HDAC4: variants seen among roughly 807,000 people sequenced by gnomAD.
HDAC4 encodes the protein histone deacetylase A.
A neutral mutation model predicts 135.1 loss-of-function variants in HDAC4; 16 were observed. The ratio of observed to expected loss-of-function variants is 0.12; its 90% confidence interval spans 0.08 to 0.18. The LOEUF (loss-of-function observed/expected upper bound fraction) is 0.18, where lower values mean the gene tolerates loss of function less well. Among genes scored for constraint, HDAC4 ranks in the 10% least tolerant of loss-of-function variants. HDAC4 has a pLI of 1.00. For missense variants in HDAC4, 1,143 were observed against 1,511.8 expected, an observed-to-expected ratio of 0.76 and a Z score of 4.05; for synonymous variants, 685 against 653.4, an observed-to-expected ratio of 1.05 and a Z score of -0.74.
At chr2:239,162,656 G>T (rs569787968) in intron 6 of HDAC4, among the ~76,000 whole-genome samples, 2 of 152,112 alleles carry the variant, frequency 1.3e-5, no homozygotes, top group Non-Finnish European at 2.9e-5. Context: ...ACTCCTCCTT[G>T]CAAGTTTGTG....
At position 239,285,142 on chromosome 2, in the gene HDAC4, A is replaced by C. The variant is rs539657945; in HGVS notation, c.23-48478T>G. Among the ~76,000 whole-genome samples the C allele has an allele frequency of 6.6e-6, 1 of 152,304 alleles. No homozygotes were observed. Among genetic ancestry groups the C allele is most frequent in the East Asian group, 1.9e-4 (1 of 5,170 alleles). ...ACCTGGAAGGCCAGGTTCAAAGTTC[A>C]AAGTTCAAAGACTGCAGATGGTACA... On this transcript the variant is annotated intron_variant, in intron 2 of 26. Coordinates refer to ENST00000543185, the MANE Select transcript of HDAC4 (RefSeq NM_001378414.1). The surrounding 1 kb of genome is among the most constrained non-coding windows in gnomAD (Gnocchi z 4.5).
chr2:239,362,454 A>C lies in HDAC4; in HGVS notation c.-219-9536T>G, dbSNP rs144366170. 7.7e-4 allele frequency among the ~76,000 whole-genome samples: 118 copies of C among 152,354 alleles called. No homozygotes were observed. The East Asian group carries it at 0.019, about 24-fold the overall frequency. Reference sequence around the variant, plus strand: ...AAGTCTTAGAAGCTATAAATCCATCAGAGAACATTCTTCTAAAACATCTTA... The same window carrying C: ...AAGTCTTAGAAGCTATAAATCCATCCGAGAACATTCTTCTAAAACATCTTA... On this transcript the variant is annotated intron_variant, in intron 1 of 26. Transcript: ENST00000543185.
At chr2:239,312,633 A>C (rs1284332923) in intron 2 of HDAC4, among the ~76,000 whole-genome samples, 1 of 151,994 alleles carries the variant, frequency 6.6e-6, no homozygotes, top group Non-Finnish European at 1.5e-5. Flanking sequence ...AAACATCCAC[A>C]CTTGTCTTTA....
At chr2:239,297,299 G>A (rs1309583320) in intron 2 of HDAC4, among the ~76,000 whole-genome samples, 1 of 152,224 alleles carries the variant, frequency 6.6e-6, no homozygotes, top group Admixed American at 6.5e-5. Flanking sequence ...GCAACCCAGG[G>A]TCTCTGAAGT....
chr2:239,279,699 G>A (rs1257085740), intron 2 of HDAC4, among the ~76,000 whole-genome samples: 1 of 152,182 alleles, frequency 6.6e-6, no homozygotes, highest in Non-Finnish European at 1.5e-5. Flanking sequence ...GAGAGCAGGG[G>A]ACCTGGGGAC....
chr2:239,382,565 G>A (rs1002764318), intron 1 of HDAC4, among the ~76,000 whole-genome samples: 1 of 152,176 alleles, frequency 6.6e-6, no homozygotes, highest in Non-Finnish European at 1.5e-5. Flanking sequence ...ACTGAACCCC[G>A]GAGCCACAGT....
intron 1 of HDAC4, among the ~76,000 whole-genome samples, chr2:239,371,914 AG>A (rs1291398822): frequency 1.3e-5 from 2 of 152,232 alleles, no homozygotes; most frequent in Admixed American, 6.5e-5. Flanking sequence ...GTGGAGGGGC[AG>A]GGGGCAGCAT....
At chr2:239,142,792 CAT>C (rs748966659) in intron 8 of HDAC4, among the ~76,000 whole-genome samples, 12 of 150,302 alleles carry the variant, frequency 8.0e-5, no homozygotes, top group Non-Finnish European at 1.5e-4. Context: ...CCCTGTCACA[CAT>C]GACTCCTGGG....
chr2:239,298,379 C>T (rs554367183), intron 2 of HDAC4: 42 of 1,182,868 alleles, frequency 3.6e-5, no homozygotes, highest in East Asian at 5.8e-5. Flanking sequence ...GATCCGGAAT[C>T]GCCAGAGCTC....
At chr2:239,392,094 C>T (rs967593823) in intron 1 of HDAC4, among the ~76,000 whole-genome samples, 1 of 152,198 alleles carries the variant, frequency 6.6e-6, no homozygotes, top group East Asian at 1.9e-4. Context: ...GCCACCATGC[C>T]GGGCAGGGGT....
intron 3 of HDAC4, chr2:239,191,006 C>A (rs934620215): frequency 2.2e-6 from 1 of 464,636 alleles, no homozygotes; most frequent in African/African-American, 2.0e-5. Flanking sequence ...CCTGGCACAG[C>A]CCAGGGACAT....
chr2:239,323,765 G>T (rs940015695), intron 2 of HDAC4, among the ~76,000 whole-genome samples: 2 of 152,116 alleles, frequency 1.3e-5, no homozygotes, highest in Non-Finnish European at 2.9e-5. Flanking sequence ...CCCCTGTCAC[G>T]GGGCCCCGGG....
At chr2:239,226,105 G>A (rs1232350607) in intron 3 of HDAC4, among the ~76,000 whole-genome samples, 1 of 152,096 alleles carries the variant, frequency 6.6e-6, no homozygotes, top group African/African-American at 2.4e-5. Flanking sequence ...GAGGGGCTCC[G>A]CAGGCCCTCT....
intron 15 of HDAC4, among the ~76,000 whole-genome samples, chr2:239,107,087 G>C (rs2038212008): frequency 6.6e-6 from 1 of 152,196 alleles, no homozygotes; most frequent in Non-Finnish European, 1.5e-5. Flanking sequence ...CTCCCAGACG[G>C]GAGTCTCTTC....
At chr2:239,246,655 C>G (rs2048481391) in intron 2 of HDAC4, among the ~76,000 whole-genome samples, 1 of 152,248 alleles carries the variant, frequency 6.6e-6, no homozygotes, top group Admixed American at 6.5e-5. Context: ...CTCAGGGCCT[C>G]TCCTAGACGG....
intron 1 of HDAC4, among the ~76,000 whole-genome samples, chr2:239,372,192 G>C (rs558439509): frequency 3.9e-4 from 59 of 152,300 alleles, no homozygotes; most frequent in African/African-American, 1.4e-3. Flanking sequence ...CTCCTCTGCA[G>C]AACCAGAACA....
At chr2:239,092,878 TTC>T (rs536855724) in intron 17 of HDAC4, among the ~76,000 whole-genome samples, 1 of 151,940 alleles carries the variant, frequency 6.6e-6, no homozygotes. Context: ...TTTCCTTTCT[TTC>T]TCTCTCTCTC....
intron 2 of HDAC4, among the ~76,000 whole-genome samples, chr2:239,345,107 C>T (rs1201009598): frequency 6.6e-6 from 1 of 152,196 alleles, no homozygotes; most frequent in Non-Finnish European, 1.5e-5. Context: ...CCACTCTCAG[C>T]TCCCAGGCTT....
chr2:239,269,906 A>G (rs2049965740), intron 2 of HDAC4, among the ~76,000 whole-genome samples: 1 of 152,252 alleles, frequency 6.6e-6, no homozygotes, highest in African/African-American at 2.4e-5. Flanking sequence ...ATCTCATCCC[A>G]GCACTTTGTT....
Sources: gnomAD v4.1 joint callset for allele counts (sites outside exome capture counted in the v4.1 genomes callset) on GRCh38, gnomAD v4.1.1 for gene constraint, Gnocchi (gnomAD v3.1) non-coding constraint, MANE v1.5 for transcripts, NCBI Gene and HGNC (gene_info 2026-07-23, HGNC 2026-07-21) for gene names.